DLG1: variants seen among roughly 807,000 people sequenced by gnomAD.
DLG1 encodes discs large MAGUK scaffold protein 1.
DLG1 carries 42 observed loss-of-function variants against 123.4 expected under a neutral mutation model. The observed-to-expected ratio is 0.34, with a 90% CI of 0.27 to 0.44. The LOEUF (loss-of-function observed/expected upper bound fraction) is 0.44, where lower values mean the gene tolerates loss of function less well. Among genes scored for constraint, DLG1 ranks in the 20% least tolerant of loss-of-function variants. The pLI, the probability that DLG1 is intolerant of heterozygous loss-of-function variation, is 1.00. For synonymous variants in DLG1, 317 were observed against 356.2 expected, an observed-to-expected ratio of 0.89 and a Z score of 1.24; for missense variants, 942 against 1,082.6, an observed-to-expected ratio of 0.87 and a Z score of 1.82.
At chr3:197,134,549 A>G (rs935159174) in intron 10 of DLG1, among the ~76,000 whole-genome samples, 6 of 152,004 alleles carry the variant, frequency 3.9e-5, no homozygotes, top group African/African-American at 1.4e-4. Flanking sequence ...TTAAAAACCA[A>G]CTTCCTACTA....
At chr3:197,105,450 C>T (rs534811776) in intron 13 of DLG1, among the ~76,000 whole-genome samples, 2 of 152,258 alleles carry the variant, frequency 1.3e-5, no homozygotes, top group Admixed American at 6.5e-5. Flanking sequence ...ATTTTTCTTC[C>T]TGTACAAACT....
At chr3:197,210,920 T>A (rs1025787008) in intron 4 of DLG1, among the ~76,000 whole-genome samples, 14 of 145,908 alleles carry the variant, frequency 9.6e-5, no homozygotes, top group African/African-American at 3.2e-4. Flanking sequence ...GAATCCTTTT[T>A]AAAATACAGC....
intron 4 of DLG1, among the ~76,000 whole-genome samples, chr3:197,198,147 C>CAA (rs35948143): frequency 3.5e-5 from 5 of 141,640 alleles, no homozygotes; most frequent in East Asian, 3.9e-4. Flanking sequence ...ACAAAACAAA[C>CAA]AAAAAAATAC....
chr3:197,106,869 AAAT>A (rs889815213), intron 13 of DLG1, among the ~76,000 whole-genome samples: 5 of 152,174 alleles, frequency 3.3e-5, no homozygotes, highest in African/African-American at 1.2e-4. Flanking sequence ...AAAAATGGAG[AAAT>A]AATTCGCATA....
chr3:197,089,959 T>C (rs1356396673), intron 15 of DLG1, among the ~76,000 whole-genome samples: 1 of 152,158 alleles, frequency 6.6e-6, no homozygotes, highest in Non-Finnish European at 1.5e-5. Flanking sequence ...TGAGAAAGGT[T>C]TGCTTTCATG....
rs1729907322 is a variant in DLG1 at position 197,208,793 on chromosome 3, AC to A, written c.319-14205del. ...GGAAACAGATAACTTTAGTTGCTTG[AC>A]GAGAGGAGATTTACCCCTGGGGGAA... On this transcript the variant is annotated intron_variant, in intron 4 of 24. Coordinates refer to ENST00000667157, the MANE Select transcript of DLG1 (RefSeq NM_001366207.1). 1.4e-5 allele frequency among the ~76,000 whole-genome samples: 2 copies of A among 145,924 alleles called. 1 individual carries two copies. Among genetic ancestry groups the A allele is most frequent in the South Asian group, 5.2e-4 (2 of 3,852 alleles).
intron 14 of DLG1, among the ~76,000 whole-genome samples, chr3:197,102,705 T>C (rs1764166897): frequency 6.6e-6 from 1 of 152,130 alleles, no homozygotes; most frequent in African/African-American, 2.4e-5. Context: ...TGAAACCCCG[T>C]CGCTATTAAA....
At chr3:197,220,150 C>G (rs529650457) in intron 4 of DLG1, among the ~76,000 whole-genome samples, 1 of 152,064 alleles carries the variant, frequency 6.6e-6, no homozygotes, top group Non-Finnish European at 1.5e-5. Flanking sequence ...TGCTATATAC[C>G]TAGTGCACAG....
At chr3:197,178,533 C>T (rs933962729) in intron 5 of DLG1, among the ~76,000 whole-genome samples, 1 of 152,010 alleles carries the variant, frequency 6.6e-6, no homozygotes, top group African/African-American at 2.4e-5. Context: ...GGGATTAACT[C>T]TGGAATAAAG....
chr3:197,179,024 A>G (rs898279730), intron 5 of DLG1, among the ~76,000 whole-genome samples: 6 of 152,184 alleles, frequency 3.9e-5, no homozygotes, highest in Non-Finnish European at 7.4e-5. Context: ...ACAGAAGTGA[A>G]TATGGGTAAG....
chr3:197,127,371 T>G (rs1341718146), intron 11 of DLG1, among the ~76,000 whole-genome samples: 1 of 130,496 alleles, frequency 7.7e-6, no homozygotes, highest in African/African-American at 3.0e-5. Context: ...TGCAGTGAGC[T>G]GAGATTGCAC....
At chr3:197,265,422 G>A (rs1320156405) in intron 4 of DLG1, among the ~76,000 whole-genome samples, 2 of 152,172 alleles carry the variant, frequency 1.3e-5, no homozygotes, top group Non-Finnish European at 2.9e-5. Context: ...TTTCCTGGCT[G>A]TAGCAGAAGG....
chr3:197,190,167 GCTTT>G (rs1400007650), intron 5 of DLG1, among the ~76,000 whole-genome samples: 3 of 152,188 alleles, frequency 2.0e-5, no homozygotes, highest in Non-Finnish European at 4.4e-5. Context: ...AAGTATGAAT[GCTTT>G]CTCTCTCAAT....
chr3:197,088,696 A>C (rs1198761433), intron 15 of DLG1, among the ~76,000 whole-genome samples: 1 of 152,238 alleles, frequency 6.6e-6, no homozygotes, highest in Non-Finnish European at 1.5e-5. Context: ...AACCTGAACT[A>C]TCAGACCGTA....
chr3:197,059,814 C>A, intron 23 of DLG1, 75 bp downstream of exon 23: 2 of 905,388 alleles, frequency 2.2e-6, no homozygotes, highest in Admixed American at 2.2e-5. Flanking sequence ...AACTGAGATG[C>A]AGGGAGAGTA....
At chr3:197,072,474 A>C (rs2148961271) in intron 18 of DLG1, among the ~76,000 whole-genome samples, 1 of 152,210 alleles carries the variant, frequency 6.6e-6, no homozygotes, top group Non-Finnish European at 1.5e-5. Context: ...TGACAGGTAA[A>C]ACATTTTGCT....
chr3:197,110,237 G>T (rs1050440439), intron 13 of DLG1, among the ~76,000 whole-genome samples: 11 of 152,106 alleles, frequency 7.2e-5, no homozygotes, highest in Non-Finnish European at 1.5e-4. Context: ...CCATCTTCAA[G>T]TTTGCTGATT....
At chr3:197,068,163 T>C (rs1343795824) in intron 19 of DLG1, among the ~76,000 whole-genome samples, 1 of 152,206 alleles carries the variant, frequency 6.6e-6, no homozygotes, top group Admixed American at 6.5e-5. Context: ...AGACCAATAT[T>C]TTATAAGCTG....
In DLG1 at chr3:197,198,518, G is replaced by A. The variant is rs183225831; in HGVS notation, c.319-3929C>T. On this transcript the variant is annotated intron_variant, in intron 4 of 24. Transcript: ENST00000667157. ...AAAAAAAAAAGACAAACCAAACAAT[G>A]AGGAGGAAAATATTACAAATAATAT... Among the ~76,000 whole-genome samples the A allele has an allele frequency of 1.0e-4, 15 of 147,704 alleles. No individual in the cohort carries two copies. In the East Asian group the frequency reaches 1.4e-3, roughly 14 times the overall value.
Sources: allele counts gnomAD v4.1 joint callset (sites outside exome capture counted in the v4.1 genomes callset), GRCh38; gene constraint gnomAD v4.1.1; transcripts MANE v1.5; gene names NCBI Gene and HGNC (gene_info 2026-07-23, HGNC 2026-07-21).